Variants in CTSO observed in about 807,000 individuals in gnomAD.
CTSO encodes the protein cathepsin O.
CTSO carries 40 observed loss-of-function variants against 42.4 expected under a neutral mutation model. The ratio of observed to expected loss-of-function variants is 0.94; its 90% CI spans 0.73 to 1.23. The LOEUF is 1.23. Among genes scored for constraint, CTSO ranks in the 50% most tolerant of loss-of-function variants. The pLI, the probability that CTSO is intolerant of heterozygous loss-of-function variation, is 0.00. For synonymous variants in CTSO, 156 were observed against 146.2 expected, an observed-to-expected ratio of 1.07 and a Z score of -0.48; for missense variants, 441 against 396.0, an observed-to-expected ratio of 1.11 and a Z score of -0.96.
Position 155,929,636 on chromosome 4 carries a change from C to T in CTSO, c.744G>A (p.Val248=). Residue 248 remains valine, a synonymous_variant, in exon 6 of 8, where the codon GTG becomes GTA. Transcript: ENST00000433477. ...FGPLVVIVDA[V]SWQDYLGGII... ...TGCCTCCCAGATAATCTTGCCAGCT[C>T]ACTGCATCTACTATGACTACCAAAG... 6.2e-7 allele frequency: 1 copy of T among 1,613,938 alleles called. No homozygotes were observed. Among genetic ancestry groups the T allele is most frequent in the Non-Finnish European group, 8.5e-7 (1 of 1,179,986 alleles).
chr4:155,928,433 A>G lies in CTSO; in HGVS notation c.839-5T>C, dbSNP rs2110903105. On this transcript the variant is annotated splice_region_variant and splice_polypyrimidine_tract_variant and intron_variant, in intron 6 of 7. Transcript: ENST00000433477. ...CAATCCAATATGGAGTGCTTCCTAC[A>G]GTGAAACATAAATAGTAACAAATCC... is the stretch of plus-strand genomic sequence containing the variant. 4.4e-6 allele frequency: 7 copies of G among 1,590,260 alleles called. No individual in the cohort carries two copies. Among genetic ancestry groups the G allele is most frequent in the Non-Finnish European group, 6.0e-6 (7 of 1,167,128 alleles).
intron 1 of CTSO, among the ~76,000 whole-genome samples, chr4:155,943,920 C>CTTA (rs2110928819): frequency 6.6e-6 from 1 of 152,262 alleles, no homozygotes; most frequent in African/African-American, 2.4e-5. Context: ...TTATCTTAAG[C>CTTA]TTATCTTTTA....
intron 5 of CTSO, among the ~76,000 whole-genome samples, chr4:155,933,269 C>T (rs1369713721): frequency 3.9e-5 from 6 of 152,056 alleles, no homozygotes; most frequent in African/African-American, 1.4e-4. Context: ...CAGGGGTTTC[C>T]ACTTCTCCTT....
chr4:155,936,573 T>C (rs1452906894), intron 5 of CTSO, among the ~76,000 whole-genome samples: 2 of 152,214 alleles, frequency 1.3e-5, no homozygotes, highest in Non-Finnish European at 2.9e-5. Flanking sequence ...TCTCCCTTTG[T>C]CCTTTTCACC....
chr4:155,929,726 T>C, intron 5 of CTSO, 21 bp from the exon 6 acceptor site: 6 of 1,591,954 alleles, frequency 3.8e-6, no homozygotes, highest in South Asian at 1.1e-5. Context: ...AGGAAATATT[T>C]GGTTAGAAAA....
intron 5 of CTSO, among the ~76,000 whole-genome samples, chr4:155,936,816 C>A (rs1466834406): frequency 6.6e-6 from 1 of 152,176 alleles, no homozygotes; most frequent in African/African-American, 2.4e-5. Flanking sequence ...GTAGTATATG[C>A]TTCCCTCTTT....
Position 155,929,597 on chromosome 4 carries a change from G to A in CTSO, c.783C>T (p.His261=), listed in dbSNP as rs1743195534. The A allele has an allele frequency of 6.2e-7, 1 of 1,613,752 alleles. No homozygotes were observed. The highest frequency in any genetic ancestry group is 1.1e-5 in the South Asian group (1 of 91,004). The change falls in exon 6 of 8, where the codon CAC becomes CAT. Residue 261 remains histidine, a synonymous_variant. Transcript: ENST00000433477. ...CATGATTTGCTTCTCCACTAGAGCA[G>A]TGATGCTGTATAATGCCTCCCAGAT... is the stretch of plus-strand genomic sequence containing the variant. ...QDYLGGIIQH[H]CSSGEANHAV... is the part of the protein sequence containing the mutation.
intron 5 of CTSO, among the ~76,000 whole-genome samples, chr4:155,930,096 T>G (rs943696978): frequency 1.3e-5 from 2 of 152,210 alleles, no homozygotes; most frequent in Admixed American, 6.5e-5. Flanking sequence ...CGGATCTCAT[T>G]GGCCAGAACT....
At chr4:155,946,954 C>A (rs1252237961) in intron 1 of CTSO, among the ~76,000 whole-genome samples, 1 of 152,218 alleles carries the variant, frequency 6.6e-6, no homozygotes, top group African/African-American at 2.4e-5. Flanking sequence ...CTCCCGGGTT[C>A]ACCCCATTCT....
chr4:155,928,201 C>CTTT (rs142399936), intron 7 of CTSO, 135 bp downstream of exon 7: 36 of 377,406 alleles, frequency 9.5e-5, no homozygotes, highest in Admixed American at 3.7e-4. Context: ...TTGCAAAACA[C>CTTT]TTTTTTTTTT....
intron 3 of CTSO, among the ~76,000 whole-genome samples, chr4:155,940,217 T>G (rs78565416): frequency 0.072 from 10,898 of 151,562 alleles, 507 homozygotes; most frequent in South Asian, 0.17. Context: ...CTTAACAAAC[T>G]AGAACAAAAG....
chr4:155,940,105 G>A (rs989501196), intron 3 of CTSO, among the ~76,000 whole-genome samples: 3 of 152,202 alleles, frequency 2.0e-5, no homozygotes, highest in African/African-American at 7.2e-5. Flanking sequence ...TATGCTTATA[G>A]TGGATGTACA....
At chr4:155,940,106 T>C (rs577921840) in intron 3 of CTSO, among the ~76,000 whole-genome samples, 36 of 152,310 alleles carry the variant, frequency 2.4e-4, no homozygotes, top group African/African-American at 7.0e-4. Context: ...ATGCTTATAG[T>C]GGATGTACAT....
intron 1 of CTSO, among the ~76,000 whole-genome samples, chr4:155,948,899 C>A (rs1743595171): frequency 6.6e-6 from 1 of 152,218 alleles, no homozygotes; most frequent in Admixed American, 6.5e-5. Flanking sequence ...CCTTAATCTA[C>A]TTCCCTGAGG....
chr4:155,931,945 CT>C (rs1404837860), intron 5 of CTSO, among the ~76,000 whole-genome samples: 2 of 151,664 alleles, frequency 1.3e-5, no homozygotes, highest in African/African-American at 4.8e-5. Context: ...CAAGTCTGAC[CT>C]GTTACTGATG....
intron 1 of CTSO, among the ~76,000 whole-genome samples, chr4:155,944,031 A>G (rs1743490799): frequency 6.6e-6 from 1 of 152,198 alleles, no homozygotes; most frequent in African/African-American, 2.4e-5. Context: ...TAGCGCTTCT[A>G]CATATTTGTC....
rs375241303 is a variant in CTSO, at chr4:155,928,452, C to A, written c.839-24G>T. Reference sequence around the variant, plus strand: ...TCCTACAGTGAAACATAAATAGTAACAAATCCTGAAAACTCAAATTTGTTA... The same window carrying A: ...TCCTACAGTGAAACATAAATAGTAAAAAATCCTGAAAACTCAAATTTGTTA... On this transcript the variant is annotated intron_variant, in intron 6 of 7. Transcript: ENST00000433477. 5 of 1,527,812 alleles carry A rather than the reference C, an allele frequency of 3.3e-6. No individual in the cohort carries two copies. In the African/African-American group the frequency reaches 5.6e-5, roughly 17 times the overall value. The allele number at this position is 1,527,812 out of a possible 1,614,324, so 94.6% of individuals were successfully genotyped here.
At chr4:155,939,067 G>A (rs1295830663) in intron 4 of CTSO, among the ~76,000 whole-genome samples, 2 of 151,942 alleles carry the variant, frequency 1.3e-5, no homozygotes, top group African/African-American at 4.8e-5. Context: ...ATCTTTCCGG[G>A]ATATTATGAG....
At chr4:155,936,673 T>G (rs1370010859) in intron 5 of CTSO, among the ~76,000 whole-genome samples, 2 of 152,228 alleles carry the variant, frequency 1.3e-5, no homozygotes, top group African/African-American at 4.8e-5. Flanking sequence ...GCATTTTTAA[T>G]GATTGTTTTC....
Sources: allele counts gnomAD v4.1 joint callset (sites outside exome capture counted in the v4.1 genomes callset), GRCh38; gene constraint gnomAD v4.1.1; transcripts MANE v1.5; gene names NCBI Gene and HGNC (gene_info 2026-07-23, HGNC 2026-07-21).